The following RYR2 variants were observed in gnomAD, a reference collection of about 807,000 sequenced individuals.
RYR2 encodes the protein cardiac muscle ryanodine receptor-calcium release channel.
RYR2 carries 227 observed loss-of-function variants against 601.1 expected under a neutral mutation model. The ratio of observed to expected loss-of-function variants is 0.38; its 90% CI spans 0.34 to 0.42. The LOEUF (loss-of-function observed/expected upper bound fraction) is 0.42, where lower values mean the gene tolerates loss of function less well. Ranked by LOEUF, RYR2 falls within the 10% of genes least tolerant of loss-of-function variation. The probability of loss-of-function intolerance (pLI) is 1.00; values close to 1 mark genes in which losing one functional copy is unlikely to be tolerated. For synonymous variants in RYR2, 2,223 were observed against 2,175.1 expected (o/e 1.02, Z -0.61); for missense variants, 4,646 against 6,156.5 (o/e 0.75, Z 8.21).
intron 1 of RYR2, among the ~76,000 whole-genome samples, chr1:237,170,457 C>T (rs1174369786): frequency 6.6e-6 from 1 of 152,188 alleles, no homozygotes; most frequent in Non-Finnish European, 1.5e-5. Flanking sequence ...TGACCCTCCT[C>T]CGTCTCTGCC....
intron 1 of RYR2, among the ~76,000 whole-genome samples, chr1:237,149,620 C>G (rs1343546237): frequency 6.6e-6 from 1 of 151,434 alleles, no homozygotes; most frequent in African/African-American, 2.5e-5. Flanking sequence ...AGGCTTTTTT[C>G]TTCTGTGAAG....
At chr1:237,286,918 G>C (rs1691638212) in intron 2 of RYR2, among the ~76,000 whole-genome samples, 1 of 152,138 alleles carries the variant, frequency 6.6e-6, no homozygotes, top group East Asian at 1.9e-4. Flanking sequence ...TATAGGTCCT[G>C]TGTGATTTAT....
intron 16 of RYR2, among the ~76,000 whole-genome samples, chr1:237,456,998 A>G (rs1159906365): frequency 6.6e-6 from 1 of 152,194 alleles, no homozygotes; most frequent in Non-Finnish European, 1.5e-5. Context: ...CCTAATTGAG[A>G]CTTAATTTTT....
chr1:237,091,432 G>GTT (rs1666939115), intron 1 of RYR2, among the ~76,000 whole-genome samples: 1 of 149,910 alleles, frequency 6.7e-6, no homozygotes, highest in African/African-American at 2.5e-5. Context: ...TTTTTTTGGG[G>GTT]GGGGCGGGGG....
chr1:237,544,076 T>C (rs1669560618), intron 25 of RYR2, among the ~76,000 whole-genome samples: 1 of 152,124 alleles, frequency 6.6e-6, no homozygotes, highest in Admixed American at 6.6e-5. Context: ...TTGATTACTC[T>C]CAATGTTGTT....
At chr1:237,277,302 T>G (rs753179049) in intron 2 of RYR2, among the ~76,000 whole-genome samples, 5 of 152,182 alleles carry the variant, frequency 3.3e-5, no homozygotes, top group Middle Eastern at 3.2e-3. Flanking sequence ...AATCAGCACT[T>G]TCTTTAAGGT....
chr1:237,657,788 G>T (rs1231291748), intron 53 of RYR2, among the ~76,000 whole-genome samples, 156 bp from the exon 54 acceptor site: 1 of 151,780 alleles, frequency 6.6e-6, no homozygotes, highest in African/African-American at 2.4e-5. Flanking sequence ...TTATATTGTT[G>T]TGAAAATAGA....
chr1:237,403,136 T>G (rs1325289719), intron 10 of RYR2, among the ~76,000 whole-genome samples: 1 of 152,128 alleles, frequency 6.6e-6, no homozygotes, highest in African/African-American at 2.4e-5. Context: ...TACAATTGCT[T>G]GAAAGTTCTC....
At chr1:237,306,999 A>C (rs926802742) in intron 2 of RYR2, among the ~76,000 whole-genome samples, 2 of 152,180 alleles carry the variant, frequency 1.3e-5, no homozygotes, top group Non-Finnish European at 2.9e-5. Flanking sequence ...ACTTTCAGTA[A>C]CTTGTTCCTA....
chr1:237,258,935 T>G (rs1320556671), intron 1 of RYR2, among the ~76,000 whole-genome samples: 1 of 152,112 alleles, frequency 6.6e-6, no homozygotes, highest in Non-Finnish European at 1.5e-5. Context: ...TGAAAGTTTA[T>G]ATATTCAGAG....
At chr1:237,797,136 CAAG>C (rs1307406342) in intron 96 of RYR2, among the ~76,000 whole-genome samples, 3 of 151,714 alleles carry the variant, frequency 2.0e-5, no homozygotes, top group Non-Finnish European at 4.4e-5. Context: ...AACCAGAGGC[CAAG>C]AAGAGCTGTA....
At chr1:237,047,172 G>A (rs1660695474) in intron 1 of RYR2, among the ~76,000 whole-genome samples, 2 of 152,158 alleles carry the variant, frequency 1.3e-5, no homozygotes, top group Admixed American at 1.3e-4. Flanking sequence ...TTCCAGAAAG[G>A]AGGTTTACCA....
chr1:237,494,341 G>A (rs915860859), intron 19 of RYR2, among the ~76,000 whole-genome samples: 38 of 152,078 alleles, frequency 2.5e-4, no homozygotes, highest in African/African-American at 9.7e-5. Context: ...GAAGAACTTG[G>A]GAGTCCAATG....
intron 1 of RYR2, among the ~76,000 whole-genome samples, chr1:237,058,812 G>C (rs1475559959): frequency 1.3e-5 from 2 of 151,058 alleles, no homozygotes; most frequent in Non-Finnish European, 3.0e-5. Context: ...GGGGCCGGGG[G>C]GCGGGGTGTT....
intron 1 of RYR2, among the ~76,000 whole-genome samples, chr1:237,208,934 GTGTATATATATATATA>G (rs1460298391): frequency 2.4e-5 from 2 of 82,262 alleles, no homozygotes; most frequent in African/African-American, 1.1e-4. Flanking sequence ...AAATGTGTGT[GTGTATATATATATATA>G]TATATATATA....
chr1:237,506,785 A>C lies in RYR2; in HGVS notation c.2689A>C (p.Lys897Gln), dbSNP rs778761801. ...TATCCATGAACTCTGGGTTATGAAT[A>C]AAATTGAGCTTGGCTGGCAGTATGG... ...ENIHELWVMN[K>Q]IELGWQYGPV... Residue 897 changes from lysine to glutamine, a missense_variant, in exon 23 of 105, where the codon AAA (lysine) becomes CAA (glutamine). Around this residue, in one of 17 missense-constraint regions of RYR2, gnomAD observed 1,807 missense variants for 2,088.1 expected, o/e 0.87. Transcript: ENST00000366574. 3 of 1,613,786 alleles carry C rather than the reference A, an allele frequency of 1.9e-6. No homozygotes were observed. Among genetic ancestry groups the C allele is most frequent in the Non-Finnish European group, 2.5e-6 (3 of 1,179,730 alleles).
At chr1:237,782,938 TGACTCTGTG>T (rs1342616508) in intron 89 of RYR2, among the ~76,000 whole-genome samples, 1 of 152,182 alleles carries the variant, frequency 6.6e-6, no homozygotes, top group Non-Finnish European at 1.5e-5. Context: ...CTTCTCCGAT[TGACTCTGTG>T]GACCTCTGAC....
chr1:237,146,229 G>C (rs1183501803), intron 1 of RYR2, among the ~76,000 whole-genome samples: 3 of 152,176 alleles, frequency 2.0e-5, no homozygotes, highest in Non-Finnish European at 4.4e-5. Flanking sequence ...AGATGTTTAA[G>C]TGTAACTTAA....
intron 1 of RYR2, among the ~76,000 whole-genome samples, chr1:237,238,669 G>GACTGGTCGT (rs1256336708): frequency 6.6e-6 from 1 of 152,190 alleles, no homozygotes; most frequent in Non-Finnish European, 1.5e-5. Flanking sequence ...CCGTCAGGCA[G>GACTGGTCGT]ACTGGTCGTA....
Sources: gnomAD v4.1 joint callset for allele counts (sites outside exome capture counted in the v4.1 genomes callset) on GRCh38, gnomAD v4.1.1 for gene constraint, gnomAD v4.1.1 regional missense constraint, MANE v1.5 for transcripts, NCBI Gene and HGNC (gene_info 2026-07-23, HGNC 2026-07-21) for gene names.